Variants in CHTF18 observed in about 807,000 individuals in gnomAD.
The protein encoded by CHTF18 is chromosome transmission fidelity factor 18.
CHTF18 carries 151 observed loss-of-function variants against 113.4 expected under a neutral mutation model. The ratio of observed to expected loss-of-function variants is 1.33; its 90% CI spans 1.17 to 1.52. The LOEUF (loss-of-function observed/expected upper bound fraction) is 1.52. Ranked by LOEUF, CHTF18 falls within the 40% of genes most tolerant of loss-of-function variation. CHTF18 has a pLI of 0.00. For missense variants in CHTF18, 1,982 were observed against 1,381.6 expected, an observed-to-expected ratio of 1.43 and a Z score of -6.89; for synonymous variants, 916 against 598.8, an observed-to-expected ratio of 1.53 and a Z score of -7.74.
rs1412639909 is a variant in CHTF18 at position 797,133 on chromosome 16, AC to A, written c.2733+43del. ...CTGTGGGGGTGGGACCAGGGTACATACCTTTGGGGGTGTGGCTAGGGCAGTC... is the reference window on the plus strand; with the variant it reads ...CTGTGGGGGTGGGACCAGGGTACATACTTTGGGGGTGTGGCTAGGGCAGTC... On this transcript the variant is annotated intron_variant, in intron 20 of 21. Transcript: ENST00000262315. 3 of 1,478,410 alleles carry A rather than the reference AC, an allele frequency of 2.0e-6. No homozygotes were observed. The Admixed American group carries it at 7.1e-5, about 35-fold the overall frequency. 91.6% of individuals were successfully genotyped at this position (1,478,410 alleles called of 1,614,324 possible).
rs1032857610 is a variant in CHTF18 at position 791,938 on chromosome 16, A to G, written c.1192A>G (p.Met398Val). 6 of 1,608,182 alleles carry G rather than the reference A, an allele frequency of 3.7e-6. No homozygotes were observed. In the African/African-American group the frequency reaches 8.0e-5, roughly 21 times the overall value. Residue 398 changes from methionine to valine, a missense_variant, in exon 9 of 22, where the codon ATG becomes GTG. By Grantham distance (21) the Met-to-Val change is conservative. Transcript: ENST00000262315. ...TCACGCGGGGTACTCTGTGGTGGAGATGAACGCCAGGTGAGTGATGTGAGG... is the reference window on the plus strand; with the variant it reads ...TCACGCGGGGTACTCTGTGGTGGAGGTGAACGCCAGGTGAGTGATGTGAGG... ...ARHAGYSVVE[M>V]NASDDRSPEV...
chr16:789,001 G>T lies in CHTF18; in HGVS notation c.162G>T (p.Glu54Asp), dbSNP rs751423936. ...GCCGACCCCCGCGGACGTTCGAGGA[G>T]GCCCTTGCCAGAGGGGACGCGGCCT... ...TAGRPPRTFE[E>D]ALARGDAASS... Residue 54 changes from glutamate to aspartate, a missense_variant, in exon 2 of 22, where the codon GAG (glutamate) becomes GAT (aspartate). By Grantham distance (45) the Glu-to-Asp change is conservative. Transcript: ENST00000262315. 1.9e-6 allele frequency: 3 copies of T among 1,558,802 alleles called. No individual in the cohort carries two copies. The highest frequency in any genetic ancestry group is 2.6e-6 in the Non-Finnish European group (3 of 1,157,442).
Position 795,736 on chromosome 16 carries a change from G to A in CHTF18, c.2227G>A (p.Gly743Ser), listed in dbSNP as rs747329260. ...MRNLIQTLVS[G>S]IAPATRSRAT... ...GAACCTGATCCAGACGCTGGTGTCC[G>A]GCATCGCGCCAGCCACGCGCAGCCG... The change falls in exon 17 of 22, where the codon GGC becomes AGC. Residue 743 changes from glycine to serine, a missense_variant. Coordinates refer to ENST00000262315, the MANE Select transcript of CHTF18 (RefSeq NM_022092.3). 1.9e-5 allele frequency: 30 copies of A among 1,607,046 alleles called. No individual in the cohort carries two copies. The African/African-American group carries it at 1.9e-4, about 10-fold the overall frequency.
rs1054314049 is a variant in CHTF18, at chr16:792,305, G to A, written c.1284G>A (p.Lys428=). 3.2e-6 allele frequency: 5 copies of A among 1,553,798 alleles called. No individual in the cohort carries two copies. The highest frequency in any genetic ancestry group is 4.4e-6 in the Non-Finnish European group (5 of 1,149,186). ...QMESVLGAGG[K]PNCLVIDEID... ...AGTCGGTGCTGGGTGCTGGCGGGAA[G>A]CCCAACTGCCTGGTCATCGATGAGA... The change falls in exon 10 of 22, where the codon AAG becomes AAA. Residue 428 remains lysine, a synonymous_variant. Coordinates refer to ENST00000262315, the MANE Select transcript of CHTF18 (RefSeq NM_022092.3).
chr16:794,712 CGGCGGG>C (rs943042175), intron 15 of CHTF18: 1 of 233,302 alleles, frequency 4.3e-6, no homozygotes, highest in African/African-American at 2.3e-5. Context: ...CGTGGAGCAG[CGGCGGG>C]GATAGACTCC....
rs756186412 is a variant in CHTF18, at chr16:788,797, T to C, written c.91+22T>C. 7.0e-6 allele frequency: 11 copies of C among 1,578,568 alleles called. No individual in the cohort carries two copies. The Admixed American group carries it at 2.0e-4, about 29-fold the overall frequency. The stretch of plus-strand genomic sequence containing the variant: ...GAAGGTGGGGCGCGGCCCCCGGCCG[T>C]TGGGGAGGAGCTGCGAAAGCCGGGA... On this transcript the variant is annotated intron_variant, in intron 1 of 21. Coordinates refer to ENST00000262315, the MANE Select transcript of CHTF18 (RefSeq NM_022092.3).
rs79959913 is a variant in CHTF18 at position 796,804 on chromosome 16, C to T, written c.2544C>T (p.Ile848=). ...CGAAGCAGCTCATCGCCCGCGAGAT[C>T]GAGGTGGAGAAGATGCGGCGGGCGG... ...YQTKQLIARE[I]EVEKMRRAEA... The change falls in exon 19 of 22, where the codon ATC becomes ATT. Residue 848 remains isoleucine (I), a synonymous_variant. Transcript: ENST00000262315. 0.012 allele frequency: 19,476 copies of T among 1,611,460 alleles called. 1,168 individuals are homozygous for T. In the South Asian group the frequency reaches 0.14, roughly 11 times the overall value.
In CHTF18 at chr16:793,410, C is replaced by T. The variant is rs1297319276; in HGVS notation, c.1802+136C>T. The T allele has an allele frequency of 1.2e-5, 14 of 1,150,896 alleles. No individual in the cohort carries two copies. The East Asian group carries it at 3.1e-4, about 25-fold the overall frequency. The allele number at this position is 1,150,896 out of a possible 1,614,324, so 71.3% of individuals were successfully genotyped here. On this transcript the variant is annotated intron_variant, in intron 14 of 21. Coordinates refer to ENST00000262315, the MANE Select transcript of CHTF18 (RefSeq NM_022092.3). ...GCCCGCGGTTGCCTGGTCCAGCCTC[C>T]AGGGCCCTCCTCAGCCTTTTCCTGG...
rs1420795402 is a variant in CHTF18 at position 789,791 on chromosome 16, C to T, written c.606+76C>T. On this transcript the variant is annotated intron_variant, in intron 4 of 21. Transcript: ENST00000262315. ...AAAGGGTCCTTGGAGCCCCTCACCCCTGCCATTTGCTTAAAGCGGGTCCTG... is the reference window on the plus strand; with the variant it reads ...AAAGGGTCCTTGGAGCCCCTCACCCTTGCCATTTGCTTAAAGCGGGTCCTG... 19 of 1,452,342 alleles carry T rather than the reference C, an allele frequency of 1.3e-5. 1 individual carries two copies. In the South Asian group the frequency reaches 1.6e-4, roughly 12 times the overall value. 90.0% of individuals were successfully genotyped at this position (1,452,342 alleles called of 1,614,324 possible). A position where few individuals can be genotyped will look rare whatever the true frequency, so the allele number is the denominator to read the frequency against.
chr16:791,548 G>C, intron 8 of CHTF18, 178 bp downstream of exon 8: 2 of 1,435,544 alleles, frequency 1.4e-6, no homozygotes, highest in Non-Finnish European at 1.8e-6. Context: ...CTCGGGGGAA[G>C]TCGTTGTCCC....
chr16:795,939 T>C lies in CHTF18; in HGVS notation c.2326-8T>C. 1.2e-6 allele frequency: 2 copies of C among 1,609,772 alleles called. No homozygotes were observed. Among genetic ancestry groups the C allele is most frequent in the Non-Finnish European group, 1.7e-6 (2 of 1,178,746 alleles). ...TCAGCTCCCTGTCTGCTGCCTCCCA[T>C]CCCCTAGGTGAGCACACAGCTGTAC... On this transcript the variant is annotated splice_polypyrimidine_tract_variant and splice_region_variant and intron_variant, in intron 17 of 21. Coordinates refer to ENST00000262315, the MANE Select transcript of CHTF18 (RefSeq NM_022092.3).
rs2042162396 is a variant in CHTF18, at chr16:790,382, T to C, written c.735T>C (p.Leu245=). ...GGCTGCTTCAGGAGGCCCAGAAGCT[T>C]TCAGACACCCTGCACAGGTGACTTG... ...RERLLQEAQK[L]SDTLHSLRSG... The change falls in exon 6 of 22, where the codon CTT becomes CTC. Residue 245 remains leucine, a synonymous_variant. Coordinates refer to ENST00000262315, the MANE Select transcript of CHTF18 (RefSeq NM_022092.3). The C allele has an allele frequency of 1.9e-6, 3 of 1,612,268 alleles. No homozygotes were observed. The highest frequency in any genetic ancestry group is 2.5e-6 in the Non-Finnish European group (3 of 1,179,750).
intron 20 of CHTF18, 92 bp downstream of exon 20, chr16:797,184 G>A: frequency 3.6e-6 from 5 of 1,392,762 alleles, no homozygotes; most frequent in Non-Finnish European, 4.7e-6. Flanking sequence ...AGGCACCCAT[G>A]GGGTGGGGCC....
At chr16:791,652 C>G in intron 8 of CHTF18, 199 bp from the exon 9 acceptor site, 1 of 1,428,144 alleles carries the variant, frequency 7.0e-7, no homozygotes, top group Non-Finnish European at 9.1e-7. Context: ...TTTGTCTGCA[C>G]GAACTTTGCT....
intron 15 of CHTF18, among the ~76,000 whole-genome samples, chr16:794,479 T>G (rs1016413890): frequency 3.3e-5 from 5 of 151,730 alleles, no homozygotes; most frequent in Non-Finnish European, 5.9e-5. Context: ...CTCAGCGGGT[T>G]GGGGTGGAGC....
intron 8 of CHTF18, 161 bp downstream of exon 8, chr16:791,531 G>T: frequency 7.0e-7 from 1 of 1,435,812 alleles, no homozygotes; most frequent in Non-Finnish European, 9.1e-7. Flanking sequence ...GAGCGTTGCA[G>T]TAACAACTCG....
intron 10 of CHTF18, 22 bp downstream of exon 10, chr16:792,369 T>C: frequency 6.4e-7 from 1 of 1,559,476 alleles, no homozygotes; most frequent in Non-Finnish European, 8.7e-7. Flanking sequence ...GATGCCTGGG[T>C]AGGTGGGTGG....
chr16:793,579 C>T (rs573532597), intron 14 of CHTF18: 19 of 552,780 alleles, frequency 3.4e-5, no homozygotes, highest in South Asian at 1.9e-4. Context: ...CCAGTTGCAC[C>T]CTCATTTTTG....
chr16:793,994 C>A lies in CHTF18; in HGVS notation c.1803-60C>A. On this transcript the variant is annotated intron_variant, in intron 14 of 21. Transcript: ENST00000262315. ...GGGGCCTCTGAGTGTCCCGGGGAGA[C>A]GGGTGGGGCTGCCTGTGCTTTTAAC... The A allele has an allele frequency of 1.1e-5, 17 of 1,563,654 alleles. No homozygotes were observed. The South Asian group carries it at 1.9e-4, about 17-fold the overall frequency.
Sources: allele counts gnomAD v4.1 joint callset (sites outside exome capture counted in the v4.1 genomes callset), GRCh38; gene constraint gnomAD v4.1.1; transcripts MANE v1.5; gene names NCBI Gene and HGNC (gene_info 2026-07-23, HGNC 2026-07-21).